Variants in PCARE observed in about 807,000 individuals in gnomAD.
PCARE encodes uncharacterized protein C2orf71.
In PCARE, 72 loss-of-function variants were observed where a neutral mutation model predicts 82.2. That is an observed-to-expected ratio of 0.88 (90% CI 0.72 to 1.07). The LOEUF is 1.07. Among genes scored for constraint, PCARE ranks in the 50% least tolerant of loss-of-function variants. The pLI is 0.00. For synonymous variants in PCARE, 705 were observed against 634.8 expected (o/e 1.11, Z -1.66); for missense variants, 1,768 against 1,592.4 (o/e 1.11, Z -1.88).
chr2:29,072,474 T>C lies in PCARE; in HGVS notation c.1788A>G (p.Ser596=). 1 of 1,614,212 alleles carries C rather than the reference T, an allele frequency of 6.2e-7. No individual in the cohort carries two copies. Among genetic ancestry groups the C allele is most frequent in the Non-Finnish European group, 8.5e-7 (1 of 1,180,018 alleles). ...CCACGTGACTCTGGAGACACGACTC[T>C]GACTGGGACCTCGTCTGCCTCTCAG... ...RAPERQTRSQ[S]ESCLQSHVED... Residue 596 remains serine, a synonymous_variant, in exon 1 of 2, where the codon TCA becomes TCG. Transcript: ENST00000331664.
intron 1 of PCARE, among the ~76,000 whole-genome samples, chr2:29,066,472 C>T (rs568047519): frequency 3.2e-4 from 48 of 152,362 alleles, no homozygotes; most frequent in African/African-American, 1.1e-3. Context: ...TCTCTCTGCT[C>T]GCGACAGCAC....
chr2:29,073,752 A>G lies in PCARE; in HGVS notation c.510T>C (p.Pro170=). 6.2e-7 allele frequency: 1 copy of G among 1,614,216 alleles called. No individual in the cohort carries two copies. Among genetic ancestry groups the G allele is most frequent in the Non-Finnish European group, 8.5e-7 (1 of 1,180,026 alleles). The stretch of plus-strand genomic sequence containing the variant: ...GCTCCGGGAAGTCCACTTTGCCTTC[A>G]GGCTCATGAGCAGGGTGGATGGTTT... ...CYQTIHPAHE[P]EGKVDFPEPL... The change falls in exon 1 of 2, where the codon CCT becomes CCC. Residue 170 remains proline, a synonymous_variant. Transcript: ENST00000331664.
rs367658438 is a variant in PCARE, at chr2:29,071,260, C to T, written c.3002G>A (p.Trp1001Ter). The part of the protein sequence containing the change: ...GRKASPTRTH[W>*]VPQADKRRRS... ...GCGCCTCTTGTCTGCTTGAGGCACC[C>T]AGTGTGTCCTCGTGGGAGAGGCCTT... Residue 1001 changes from tryptophan to a stop codon, truncating the protein, a stop_gained, in exon 1 of 2, where the codon TGG becomes TAG. Coordinates refer to ENST00000331664, the MANE Select transcript of PCARE (RefSeq NM_001029883.3). LOFTEE classifies it high-confidence loss of function. The T allele has an allele frequency of 4.3e-5, 70 of 1,613,222 alleles. No homozygotes were observed. Among genetic ancestry groups the T allele is most frequent in the African/African-American group, 5.3e-5 (4 of 74,866 alleles).
At position 29,062,061 on chromosome 2, in the gene PCARE, T is replaced by C. The variant is rs1239256496; in HGVS notation, c.*2808A>G. Reference sequence around the variant, plus strand: ...AGTTGGTATGGTAGCCAAAAACACATCTTTGACCCGCCTGCTCCTATGTCG... The same window carrying C: ...AGTTGGTATGGTAGCCAAAAACACACCTTTGACCCGCCTGCTCCTATGTCG... On this transcript the variant is annotated 3_prime_UTR_variant, in exon 2 of 2. Transcript: ENST00000331664. The C allele has an allele frequency of 6.6e-6, 1 of 152,230 alleles. No homozygotes were observed. Among genetic ancestry groups the C allele is most frequent in the East Asian group, 1.9e-4 (1 of 5,198 alleles). 9.4% of individuals were successfully genotyped at this position (152,230 alleles called of 1,614,324 possible).
chr2:29,071,241 C>G lies in PCARE; in HGVS notation c.3021G>C (p.Lys1007Asn), dbSNP rs768648796. 1.2e-6 allele frequency: 2 copies of G among 1,612,682 alleles called. No homozygotes were observed. The highest frequency in any genetic ancestry group is 1.7e-6 in the Non-Finnish European group (2 of 1,179,448). ...AAGAGGAGGGAAGGCTCCGGCGCCT[C>G]TTGTCTGCTTGAGGCACCCAGTGTG... Reference protein sequence around the residue: ...TRTHWVPQADKRRRSLPSSYR... With the variant: ...TRTHWVPQADNRRRSLPSSYR... Residue 1007 changes from lysine (K) to asparagine (N), a missense_variant, in exon 1 of 2, where the codon AAG (lysine) becomes AAC (asparagine). Physicochemically the swap from Lys to Asn is moderately conservative, Grantham distance 94. Transcript: ENST00000331664.
At position 29,073,277 on chromosome 2, in the gene PCARE, CTA is replaced by C. The variant is rs2148416614; in HGVS notation, c.983_984del (p.Leu328ArgfsTer20). On this transcript the variant is annotated frameshift_variant, in exon 1 of 2. Coordinates refer to ENST00000331664, the MANE Select transcript of PCARE (RefSeq NM_001029883.3). LOFTEE classifies it high-confidence loss of function. The part of the protein sequence containing the change: ...DERLLRALRQ[L>X]ESLASGCGDP... Reference sequence around the variant, plus strand: ...TCGCCACAGCCACTCGCCAGGCTCTCTAGCTGCCTCAGAGCCCTCAGGAGGCG... The same window carrying C: ...TCGCCACAGCCACTCGCCAGGCTCTCGCTGCCTCAGAGCCCTCAGGAGGCG... 6.2e-7 allele frequency: 1 copy of C among 1,614,194 alleles called. No individual in the cohort carries two copies. The highest frequency in any genetic ancestry group is 8.5e-7 in the Non-Finnish European group (1 of 1,180,012).
Position 29,073,095 on chromosome 2 carries a change from C to T in PCARE, c.1167G>A (p.Glu389=). Residue 389 remains glutamate, a synonymous_variant, in exon 1 of 2, where the codon GAG becomes GAA. Transcript: ENST00000331664. ...EWKSVTSPHT[E]ARQSGHTWQQ... is the part of the protein sequence containing the mutation. The stretch of plus-strand genomic sequence containing the variant: ...GCCAGGTGTGTCCTGACTGCCTGGC[C>T]TCTGTGTGGGGTGAAGTCACCGACT... The T allele has an allele frequency of 1.2e-6, 2 of 1,614,122 alleles. No individual in the cohort carries two copies. The highest frequency in any genetic ancestry group is 1.7e-6 in the Non-Finnish European group (2 of 1,180,026).
In PCARE at chr2:29,071,979, AT is replaced by A; in HGVS notation, c.2282del (p.Asn761IlefsTer36). 1 of 1,613,924 alleles carries A rather than the reference AT, an allele frequency of 6.2e-7. No individual in the cohort carries two copies. The highest frequency in any genetic ancestry group is 8.5e-7 in the Non-Finnish European group (1 of 1,179,818). On this transcript the variant is annotated frameshift_variant, in exon 1 of 2. Transcript: ENST00000331664. LOFTEE classifies it high-confidence loss of function. ...KDAGASPCLRNCIMPPRFPKY... is the reference protein window; with the variant it reads ...KDAGASPCLRXCIMPPRFPKY... ...TGGGAAATCTGGGGGGCATGATGCA[AT>A]TCCTGAGGCAGGGACTTGCCCCAGC...
Position 29,070,650 on chromosome 2 carries a change from C to T in PCARE, c.3612G>A (p.Gln1204=). ...ASDRQPGGRP[Q]PPTLDPTSTS... is the part of the protein sequence containing the mutation. ...TGCTGGTGGGGTCCAAGGTGGGAGG[C>T]TGCGGTCGGCCACCTGGCTGGCGGT... The change falls in exon 1 of 2, where the codon CAG becomes CAA. Residue 1204 remains glutamine (Q), a synonymous_variant. Transcript: ENST00000331664. The T allele has an allele frequency of 2.5e-6, 4 of 1,614,096 alleles. No individual in the cohort carries two copies. Among genetic ancestry groups the T allele is most frequent in the Non-Finnish European group, 3.4e-6 (4 of 1,179,966 alleles).
Position 29,071,523 on chromosome 2 carries a change from G to T in PCARE, c.2739C>A (p.Ser913Arg). 6.2e-7 allele frequency: 1 copy of T among 1,607,356 alleles called. No homozygotes were observed. Among genetic ancestry groups the T allele is most frequent in the Non-Finnish European group, 8.5e-7 (1 of 1,179,738 alleles). The change falls in exon 1 of 2, where the codon AGC becomes AGA. Residue 913 changes from serine (S) to arginine (R), a missense_variant. Transcript: ENST00000331664. ...GGGCTGGCTTCCTGGGCTGGCAGCTGCTCCTGCCACTCCCTGGCCCTGTGC... is the reference window on the plus strand; with the variant it reads ...GGGCTGGCTTCCTGGGCTGGCAGCTTCTCCTGCCACTCCCTGGCCCTGTGC... ...PHSTGPGSGR[S>R]SCQPRKPALD...
At position 29,074,468 on chromosome 2, in the gene PCARE, CTGT is replaced by C. The variant is rs35089939; in HGVS notation, c.-210_-208del. Reference sequence around the variant, plus strand: ...TGAAGAGGGAGTGGTACCTGTCGTCCTGTTGTTGTTCTAAGTTTGGAACCCTCT... The same window carrying C: ...TGAAGAGGGAGTGGTACCTGTCGTCCTGTTGTTCTAAGTTTGGAACCCTCT... On this transcript the variant is annotated 5_prime_UTR_variant, in exon 1 of 2. Coordinates refer to ENST00000331664, the MANE Select transcript of PCARE (RefSeq NM_001029883.3). 0.15 allele frequency among the ~76,000 whole-genome samples: 23,044 copies of C among 152,132 alleles called. 2,286 individuals are homozygous for C. The highest frequency in any genetic ancestry group is 0.28 in the Middle Eastern group (83 of 294).
At position 29,073,264 on chromosome 2, in the gene PCARE, C is replaced by T. The variant is rs1302334612; in HGVS notation, c.998G>A (p.Ser333Asn). 2 of 1,614,112 alleles carry T rather than the reference C, an allele frequency of 1.2e-6. No individual in the cohort carries two copies. The highest frequency in any genetic ancestry group is 1.1e-5 in the South Asian group (1 of 91,068). Residue 333 changes from serine to asparagine, a missense_variant, in exon 1 of 2, where the codon AGT becomes AAT. Ser to Asn is a conservative substitution (Grantham distance 46). Transcript: ENST00000331664. ...CTGCACCCCAGGGTCGCCACAGCCA[C>T]TCGCCAGGCTCTCTAGCTGCCTCAG... is the stretch of plus-strand genomic sequence containing the variant. ...RALRQLESLASGCGDPGVQGL... is the reference protein window; with the variant it reads ...RALRQLESLANGCGDPGVQGL...
Position 29,074,292 on chromosome 2 carries a change from C to G in PCARE, c.-31G>C. ...CAGCTTGTAGTCATCTTCCACCCAC[C>G]TTCACAATTTTCCAAGAATCATATT... On this transcript the variant is annotated 5_prime_UTR_variant, in exon 1 of 2. Transcript: ENST00000331664. 1 of 1,514,338 alleles carries G rather than the reference C, an allele frequency of 6.6e-7. No homozygotes were observed. Among genetic ancestry groups the G allele is most frequent in the Non-Finnish European group, 8.8e-7 (1 of 1,133,434 alleles). 93.8% of individuals were successfully genotyped at this position (1,514,338 alleles called of 1,614,324 possible). A position where few individuals can be genotyped will look rare whatever the true frequency, so the allele number is the denominator to read the frequency against.
In PCARE at chr2:29,073,383, C is replaced by A. The variant is rs201841912; in HGVS notation, c.879G>T (p.Leu293=). ...GTVASLTGSF[L]EGSSSYLHST... is the part of the protein sequence containing the mutation. Reference sequence around the variant, plus strand: ...AGTGGAGGTAGCTGCTGGAGCCCTCCAGGAAGCTGCCGGTGAGCGAGGCCA... The same window carrying A: ...AGTGGAGGTAGCTGCTGGAGCCCTCAAGGAAGCTGCCGGTGAGCGAGGCCA... The change falls in exon 1 of 2, where the codon CTG becomes CTT. Residue 293 remains leucine, a synonymous_variant. Transcript: ENST00000331664. 80 of 1,613,828 alleles carry A rather than the reference C, an allele frequency of 5.0e-5. No homozygotes were observed. In the Middle Eastern group the frequency reaches 1.2e-3, roughly 23 times the overall value.
At position 29,073,928 on chromosome 2, in the gene PCARE, T is replaced by C; in HGVS notation, c.334A>G (p.Lys112Glu). Residue 112 changes from lysine to glutamate, a missense_variant, in exon 1 of 2, where the codon AAG (lysine) becomes GAG (glutamate). Lys to Glu is a moderately conservative substitution (Grantham distance 56, BLOSUM62 1). Transcript: ENST00000331664. ...CCCTGTGTCTTGAACGGAATATCCT[T>C]AGCCATGTGGCTTTGTGATTTGTTC... ...QLNKSQSHMA[K>E]DIPFKTQGSH... 1.2e-6 allele frequency: 2 copies of C among 1,614,260 alleles called. No individual in the cohort carries two copies. Among genetic ancestry groups the C allele is most frequent in the Non-Finnish European group, 1.7e-6 (2 of 1,180,036 alleles).
At position 29,071,107 on chromosome 2, in the gene PCARE, T is replaced by A; in HGVS notation, c.3155A>T (p.His1052Leu). 1 of 1,588,606 alleles carries A rather than the reference T, an allele frequency of 6.3e-7. No individual in the cohort carries two copies. The change falls in exon 1 of 2, where the codon CAC (histidine) becomes CTC (leucine). Residue 1052 changes from histidine (H) to leucine (L), a missense_variant. His to Leu is a moderately conservative substitution (Grantham distance 99). Transcript: ENST00000331664. ...GGGAGGGTTGGGCAACTTGGGCTGG[T>A]GCGGTGGGGAAGTTCGCCGCTTTGT... ...PTTKRRTSPPHQPKLPNPPPE... is the reference protein window; with the variant it reads ...PTTKRRTSPPLQPKLPNPPPE...
Position 29,072,644 on chromosome 2 carries a change from T to C in PCARE, c.1618A>G (p.Met540Val). Reference sequence around the variant, plus strand: ...ATTGACTCCTTCATCTTCAGAATCATTTCCTGGGCCTGGAGGCTCCTAAGC... The same window carrying C: ...ATTGACTCCTTCATCTTCAGAATCACTTCCTGGGCCTGGAGGCTCCTAAGC... ...RRLRSLQAQE[M>V]ILKMKESISE... Residue 540 changes from methionine (M) to valine (V), a missense_variant, in exon 1 of 2, where the codon ATG becomes GTG. Transcript: ENST00000331664. 1 of 1,614,066 alleles carries C rather than the reference T, an allele frequency of 6.2e-7. No individual in the cohort carries two copies. Among genetic ancestry groups the C allele is most frequent in the African/African-American group, 1.3e-5 (1 of 75,052 alleles).
intron 1 of PCARE, among the ~76,000 whole-genome samples, chr2:29,065,310 C>G (rs1667375960): frequency 6.6e-6 from 1 of 152,206 alleles, no homozygotes; most frequent in South Asian, 2.1e-4. Flanking sequence ...TGTTCTTTCC[C>G]CTGAAGCCCT....
intron 1 of PCARE, among the ~76,000 whole-genome samples, chr2:29,068,335 C>G (rs961795804): frequency 1.3e-5 from 2 of 152,180 alleles, no homozygotes; most frequent in African/African-American, 4.8e-5. Context: ...TTTACATTGA[C>G]TGCCGAGTAC....
Sources: gnomAD v4.1 joint callset for allele counts (sites outside exome capture counted in the v4.1 genomes callset) on GRCh38, gnomAD v4.1.1 for gene constraint, MANE v1.5 for transcripts, NCBI Gene and HGNC (gene_info 2026-07-23, HGNC 2026-07-21) for gene names.